The following KCNJ6 variants were observed in gnomAD, a reference collection of about 807,000 sequenced individuals.
KCNJ6 encodes G protein-activated inward rectifier potassium channel 2.
KCNJ6 carries 9 observed loss-of-function variants against 34.2 expected under a neutral mutation model. The ratio of observed to expected loss-of-function variants is 0.26; its 90% CI spans 0.16 to 0.46. The LOEUF (loss-of-function observed/expected upper bound fraction) is 0.46. Ranked by LOEUF, KCNJ6 falls within the 20% of genes least tolerant of loss-of-function variation. The pLI is 1.00. For missense variants in KCNJ6, 236 were observed against 531.3 expected (o/e 0.44, Z 5.46); for synonymous variants, 196 against 207.1 (o/e 0.95, Z 0.46).
At chr21:37,890,880 T>C (rs919509598) in intron 1 of KCNJ6, among the ~76,000 whole-genome samples, 2 of 152,160 alleles carry the variant, frequency 1.3e-5, no homozygotes, top group African/African-American at 4.8e-5. Context: ...TAGCCTACTG[T>C]GGGTTTCCAA....
chr21:37,790,616 C>T lies in KCNJ6; in HGVS notation c.25+50042G>A, dbSNP rs1222585732. Reference sequence around the variant, plus strand: ...TAAAAGGCCAAGTGCCTTCACTCTGCGTAGGTTTTTATAACAAAACCAATC... The same window carrying T: ...TAAAAGGCCAAGTGCCTTCACTCTGTGTAGGTTTTTATAACAAAACCAATC... On this transcript the variant is annotated intron_variant, in intron 2 of 3. Coordinates refer to ENST00000609713, the MANE Select transcript of KCNJ6 (RefSeq NM_002240.5). 1.3e-5 allele frequency among the ~76,000 whole-genome samples: 2 copies of T among 152,128 alleles called. 1 individual carries two copies. Among genetic ancestry groups the T allele is most frequent in the Admixed American group, 1.3e-4 (2 of 15,274 alleles).
chr21:37,810,975 G>C (rs898262008), intron 2 of KCNJ6, among the ~76,000 whole-genome samples: 3 of 152,164 alleles, frequency 2.0e-5, no homozygotes, highest in Non-Finnish European at 2.9e-5. Context: ...GATGGGAACT[G>C]ATCATCAGAG....
chr21:37,685,319 G>A (rs7282878), intron 3 of KCNJ6, among the ~76,000 whole-genome samples: 11,420 of 151,670 alleles, frequency 0.075, 1,070 homozygotes, highest in African/African-American at 0.22. Context: ...CTTTGTAGGA[G>A]GGCAATTTGG....
At chr21:37,881,215 C>T (rs10775660) in intron 1 of KCNJ6, among the ~76,000 whole-genome samples, 56,048 of 152,050 alleles carry the variant, frequency 0.37, 11,146 homozygotes, top group East Asian at 0.59. Context: ...GAGTGGAAAG[C>T]TCCGGGATTC....
At chr21:37,795,745 A>C (rs1441699427) in intron 2 of KCNJ6, among the ~76,000 whole-genome samples, 7 of 150,628 alleles carry the variant, frequency 4.6e-5, no homozygotes, top group African/African-American at 1.2e-4. Context: ...AAAAAAAAAA[A>C]AACAAAAAAA....
rs1326540218 is a variant in KCNJ6 at position 37,623,980 on chromosome 21, CT to C, written c.*1178del. ...TTTCACGGCTTTAGACCCAAACCAT[CT>C]TCTGCTAACTTACCATGTCTCATTG... On this transcript the variant is annotated 3_prime_UTR_variant, in exon 4 of 4. Transcript: ENST00000609713. 3 of 152,208 alleles carry C rather than the reference CT, an allele frequency of 2.0e-5. No homozygotes were observed. The highest frequency in any genetic ancestry group is 4.1e-4 in the South Asian group (2 of 4,832). 9.4% of individuals were successfully genotyped at this position (152,208 alleles called of 1,614,324 possible).
At chr21:37,776,665 T>C (rs1384540901) in intron 2 of KCNJ6, among the ~76,000 whole-genome samples, 5 of 152,330 alleles carry the variant, frequency 3.3e-5, no homozygotes, top group Admixed American at 6.5e-5. Flanking sequence ...TGATTGCATA[T>C]GTTGAATCAG....
chr21:37,642,373 A>G (rs2054384823), intron 3 of KCNJ6, among the ~76,000 whole-genome samples: 1 of 152,146 alleles, frequency 6.6e-6, no homozygotes, highest in African/African-American at 2.4e-5. Context: ...CCGGAGAGCA[A>G]AGGGCGGCAG....
intron 2 of KCNJ6, among the ~76,000 whole-genome samples, chr21:37,798,503 C>T (rs1242772201): frequency 6.6e-6 from 1 of 152,080 alleles, no homozygotes; most frequent in Non-Finnish European, 1.5e-5. Flanking sequence ...TCACAATAAC[C>T]AAAAGGTGAA....
chr21:37,754,590 G>A (rs911655421), intron 2 of KCNJ6, among the ~76,000 whole-genome samples: 1 of 152,218 alleles, frequency 6.6e-6, no homozygotes, highest in Non-Finnish European at 1.5e-5. Context: ...ACAATGGACT[G>A]AATGCCATCA....
intron 3 of KCNJ6, among the ~76,000 whole-genome samples, chr21:37,681,868 C>A (rs1010421427): frequency 2.6e-5 from 4 of 152,160 alleles, no homozygotes; most frequent in Non-Finnish European, 4.4e-5. Context: ...AGACCACTCA[C>A]CCATGGAGCT....
chr21:37,688,250 C>A (rs746574643), intron 3 of KCNJ6, among the ~76,000 whole-genome samples: 1 of 152,154 alleles, frequency 6.6e-6, no homozygotes, highest in Non-Finnish European at 1.5e-5. Context: ...GCATTACCTG[C>A]TAATTCCTTA....
chr21:37,778,696 C>CGTGTGTGTGTGTGTGT (rs61218477), intron 2 of KCNJ6, among the ~76,000 whole-genome samples: 1,535 of 146,252 alleles, frequency 0.01, 10 homozygotes, highest in Middle Eastern at 0.021. Flanking sequence ...GTGCTGTGTG[C>CGTGTGTGTGTGTGTGT]GTGTGTGTGT....
At chr21:37,772,961 A>T (rs1020710271) in intron 2 of KCNJ6, among the ~76,000 whole-genome samples, 7 of 152,354 alleles carry the variant, frequency 4.6e-5, no homozygotes, top group African/African-American at 1.7e-4. Flanking sequence ...TTCATTTGAA[A>T]GGTCTTTTTC....
chr21:37,907,442 C>T (rs376893689), intron 1 of KCNJ6, among the ~76,000 whole-genome samples: 2 of 152,094 alleles, frequency 1.3e-5, no homozygotes, highest in South Asian at 2.1e-4. Context: ...TGAAGGGCAT[C>T]GCTTCTCTCA....
At chr21:37,639,765 A>T (rs2054373018) in intron 3 of KCNJ6, among the ~76,000 whole-genome samples, 1 of 152,208 alleles carries the variant, frequency 6.6e-6, no homozygotes, top group Non-Finnish European at 1.5e-5. Context: ...GCCTGGTGGA[A>T]GACGACTGGA....
intron 2 of KCNJ6, among the ~76,000 whole-genome samples, chr21:37,760,595 G>T (rs926669550): frequency 6.6e-6 from 1 of 152,222 alleles, no homozygotes; most frequent in Non-Finnish European, 1.5e-5. Flanking sequence ...AGTCCTGCCT[G>T]ACCACCAGCC....
At chr21:37,778,736 TTC>T (rs1366751385) in intron 2 of KCNJ6, among the ~76,000 whole-genome samples, 3 of 150,470 alleles carry the variant, frequency 2.0e-5, no homozygotes, top group Non-Finnish European at 3.0e-5. Flanking sequence ...AACACTCATC[TTC>T]TGTTTGAATC....
At chr21:37,732,998 T>C (rs1418917518) in intron 2 of KCNJ6, among the ~76,000 whole-genome samples, 2 of 152,204 alleles carry the variant, frequency 1.3e-5, no homozygotes, top group African/African-American at 4.8e-5. Context: ...CAAGGTATGT[T>C]TAATTCTACA....
Sources: allele counts gnomAD v4.1 joint callset (sites outside exome capture counted in the v4.1 genomes callset), GRCh38; gene constraint gnomAD v4.1.1; transcripts MANE v1.5; gene names NCBI Gene and HGNC (gene_info 2026-07-23, HGNC 2026-07-21).